SIM1: variants seen among roughly 807,000 people sequenced by gnomAD.
The protein encoded by SIM1 is SIM bHLH transcription factor 1, also known as single-minded homolog 1.
In SIM1, 18 loss-of-function variants were observed where a neutral mutation model predicts 78.2. That is an observed-to-expected ratio of 0.23 (90% CI 0.16 to 0.34). The LOEUF is 0.34. SIM1 is among the 10% of genes least tolerant of loss of function. The pLI is 1.00. For synonymous variants in SIM1, 417 were observed against 385.2 expected (o/e 1.08, Z -0.97); for missense variants, 939 against 975.1 (o/e 0.96, Z 0.49).
intron 10 of SIM1, among the ~76,000 whole-genome samples, chr6:100,414,984 A>AT (rs1449710363): frequency 1.3e-5 from 2 of 152,252 alleles, no homozygotes. Context: ...GTAGCAAGTG[A>AT]TTAAATACTT....
chr6:100,419,594 G>T (rs990249050), intron 10 of SIM1, among the ~76,000 whole-genome samples: 2 of 152,216 alleles, frequency 1.3e-5, no homozygotes, highest in African/African-American at 4.8e-5. Context: ...AATGACAAAG[G>T]CCACCTTGAT....
chr6:100,412,485 C>T (rs906812607), intron 10 of SIM1, among the ~76,000 whole-genome samples: 39 of 147,640 alleles, frequency 2.6e-4, no homozygotes, highest in African/African-American at 9.5e-4. Flanking sequence ...TACAGTGAGC[C>T]GAGACAGTGC....
In SIM1 at chr6:100,448,470, C is replaced by T. The variant is rs1400914152; in HGVS notation, c.743+9G>A. The T allele has an allele frequency of 2.5e-6, 4 of 1,612,726 alleles. No homozygotes were observed. Among genetic ancestry groups the T allele is most frequent in the South Asian group, 2.2e-5 (2 of 90,922 alleles). ...CTAGGAGAGGCCCTTTCCGGCCCTG[C>T]CCACCCACCTGGAGTCCAGAAAGAT... is the stretch of plus-strand genomic sequence containing the variant. On this transcript the variant is annotated intron_variant, in intron 7 of 11. Transcript: ENST00000369208.
intron 10 of SIM1, among the ~76,000 whole-genome samples, chr6:100,402,160 C>T (rs899127207): frequency 1.3e-5 from 2 of 152,190 alleles, no homozygotes; most frequent in African/African-American, 4.8e-5. Context: ...TGATTAATCA[C>T]TTTCACTTAG....
chr6:100,430,899 C>A (rs1394946417), intron 9 of SIM1, among the ~76,000 whole-genome samples: 1 of 151,480 alleles, frequency 6.6e-6, no homozygotes, highest in Non-Finnish European at 1.5e-5. Flanking sequence ...ACTCCAGGAA[C>A]AAAAAAAATA....
chr6:100,453,649 G>GC, intron 3 of SIM1, 113 bp downstream of exon 3: 1 of 777,780 alleles, frequency 1.3e-6, no homozygotes, highest in Non-Finnish European at 2.0e-6. Flanking sequence ...TTTTGTGGGG[G>GC]GGGTTGTTTG....
intron 11 of SIM1, 138 bp downstream of exon 11, chr6:100,393,349 C>G: frequency 1.3e-6 from 1 of 748,844 alleles, no homozygotes; most frequent in Non-Finnish European, 1.9e-6. Flanking sequence ...ACTGAGTGAA[C>G]TTTGTTTTTA....
chr6:100,397,321 A>C (rs1035569113), intron 10 of SIM1, among the ~76,000 whole-genome samples: 2 of 152,200 alleles, frequency 1.3e-5, no homozygotes, highest in African/African-American at 4.8e-5. Context: ...TAAGAAGCAC[A>C]AATTAAGTCA....
chr6:100,458,183 G>A (rs1772738804), intron 2 of SIM1, among the ~76,000 whole-genome samples: 1 of 152,148 alleles, frequency 6.6e-6, no homozygotes, highest in South Asian at 2.1e-4. Flanking sequence ...AGAAACCCAA[G>A]GAGGGCGGGG....
chr6:100,434,010 T>C (rs1771974965), intron 9 of SIM1, among the ~76,000 whole-genome samples: 1 of 152,130 alleles, frequency 6.6e-6, no homozygotes, highest in South Asian at 2.1e-4. Context: ...ATTCTAATGA[T>C]AGAAATTTGT....
chr6:100,459,157 A>G (rs974342280), intron 2 of SIM1, among the ~76,000 whole-genome samples: 2 of 152,220 alleles, frequency 1.3e-5, no homozygotes, highest in South Asian at 2.1e-4. Context: ...CCGTTTTATC[A>G]TTAGACGGGT....
Position 100,393,836 on chromosome 6 carries a change from G to C in SIM1, c.1221C>G (p.Gly407=). 1 of 1,605,500 alleles carries C rather than the reference G, an allele frequency of 6.2e-7. No individual in the cohort carries two copies. Among genetic ancestry groups the C allele is most frequent in the Non-Finnish European group, 8.5e-7 (1 of 1,174,560 alleles). Residue 407 remains glycine, a synonymous_variant, in exon 11 of 12, where the codon GGC becomes GGG. Transcript: ENST00000369208. The stretch of plus-strand genomic sequence containing the variant: ...AGGCCGTGTCGGTCAAGGGACTTCC[G>C]CCCCACTGGCTGTCATGATCAGATT... The part of the protein sequence containing the change: ...RSESDHDSQW[G]GSPLTDTASP...
At chr6:100,429,349 A>T (rs1207343248) in intron 9 of SIM1, among the ~76,000 whole-genome samples, 1 of 140,492 alleles carries the variant, frequency 7.1e-6, no homozygotes, top group Non-Finnish European at 1.5e-5. Context: ...AGCTGGGAGG[A>T]CAGAGTGAGA....
chr6:100,454,081 G>A (rs1037355621), intron 2 of SIM1, among the ~76,000 whole-genome samples: 4 of 152,132 alleles, frequency 2.6e-5, no homozygotes, highest in African/African-American at 9.7e-5. Flanking sequence ...CAGGCCAAGG[G>A]CCCCCTGGTA....
At chr6:100,457,996 GTCTC>G (rs1270878905) in intron 2 of SIM1, among the ~76,000 whole-genome samples, 5 of 107,726 alleles carry the variant, frequency 4.6e-5, no homozygotes, top group African/African-American at 1.7e-4. Flanking sequence ...ACCGCTGTCT[GTCTC>G]TCTCTTTCTC....
chr6:100,449,595 C>A lies in SIM1; in HGVS notation c.453G>T (p.Val151=). The stretch of plus-strand genomic sequence containing the variant: ...GCAGGCATGTGTCTACCTTACCCTG[C>A]ACGAAGTGAGAGTGGTAGGGTTGAT... ...TAHQPYHSHF[V]QEYEIERSFF... The change falls in exon 5 of 12, where the codon GTG becomes GTT. Residue 151 remains valine, a synonymous_variant. Coordinates refer to ENST00000369208, the MANE Select transcript of SIM1 (RefSeq NM_005068.3). The A allele has an allele frequency of 6.2e-7, 1 of 1,613,834 alleles. No individual in the cohort carries two copies.
chr6:100,424,833 C>A (rs1338399945), intron 9 of SIM1, among the ~76,000 whole-genome samples: 1 of 152,162 alleles, frequency 6.6e-6, no homozygotes, highest in African/African-American at 2.4e-5. Flanking sequence ...AGTATCATAT[C>A]CTACCTTCCA....
chr6:100,427,745 CAG>C (rs1771772150), intron 9 of SIM1, among the ~76,000 whole-genome samples: 10 of 152,168 alleles, frequency 6.6e-5, no homozygotes, highest in Non-Finnish European at 1.5e-4. Flanking sequence ...CTCCAGGCCA[CAG>C]TGATTTCTCC....
In SIM1 at chr6:100,393,789, G is replaced by T. The variant is rs757188828; in HGVS notation, c.1268C>A (p.Ala423Asp). Residue 423 changes from alanine (A) to aspartate (D), a missense_variant, in exon 11 of 12, where the codon GCC becomes GAC. This residue lies in a region of SIM1 where 556 missense variants were observed against 521.9 expected (regional missense o/e 1.07). Coordinates refer to ENST00000369208, the MANE Select transcript of SIM1 (RefSeq NM_005068.3). The part of the protein sequence containing the change: ...DTASPQLLDP[A>D]DRPGSQHDAS... ...GTCGTGCTGGGAGCCAGGCCTATCG[G>T]CGGGGTCCAGAAGCTGCGGAGAGGC... is the stretch of plus-strand genomic sequence containing the variant. 3.7e-6 allele frequency: 6 copies of T among 1,614,098 alleles called. No homozygotes were observed. Among genetic ancestry groups the T allele is most frequent in the Non-Finnish European group, 5.1e-6 (6 of 1,179,992 alleles).
Sources: allele counts gnomAD v4.1 joint callset (sites outside exome capture counted in the v4.1 genomes callset), GRCh38; gene constraint gnomAD v4.1.1; regional missense constraint gnomAD v4.1.1; transcripts MANE v1.5; gene names NCBI Gene and HGNC (gene_info 2026-07-23, HGNC 2026-07-21).